COL21A1: variants seen among roughly 807,000 people sequenced by gnomAD.
The protein encoded by COL21A1 is collagen alpha-1(XXI) chain.
In COL21A1, 149 loss-of-function variants were observed where a neutral mutation model predicts 137.9. The ratio of observed to expected loss-of-function variants is 1.08; its 90% confidence interval spans 0.95 to 1.24. The LOEUF (loss-of-function observed/expected upper bound fraction) is 1.24. Ranked by LOEUF, COL21A1 falls within the 50% of genes most tolerant of loss-of-function variation. COL21A1 has a pLI of 0.00. For synonymous variants in COL21A1, 456 were observed against 391.5 expected (o/e 1.16, Z -1.95); for missense variants, 1,167 against 1,158.4 (o/e 1.01, Z -0.11).
chr6:56,114,602 GCAAATCAAAACCACA>G (rs1771744788), intron 16 of COL21A1, among the ~76,000 whole-genome samples: 1 of 151,822 alleles, frequency 6.6e-6, no homozygotes, highest in Non-Finnish European at 1.5e-5. Flanking sequence ...TCAGAGAAAT[GCAAATCAAAACCACA>G]ATGAGATACC....
chr6:56,171,451 C>T (rs1300318983), intron 3 of COL21A1, among the ~76,000 whole-genome samples: 1 of 151,750 alleles, frequency 6.6e-6, no homozygotes, highest in Non-Finnish European at 1.5e-5. Context: ...GACAATATAA[C>T]ACCTATGGAA....
intron 12 of COL21A1, among the ~76,000 whole-genome samples, chr6:56,138,294 T>C (rs571309613): frequency 1.3e-5 from 2 of 149,724 alleles, no homozygotes; most frequent in Middle Eastern, 3.6e-3. Context: ...TATCAATAAT[T>C]ATTACTATAA....
intron 1 of COL21A1, among the ~76,000 whole-genome samples, chr6:56,361,934 G>A (rs971638423): frequency 6.6e-6 from 1 of 152,178 alleles, no homozygotes; most frequent in Non-Finnish European, 1.5e-5. Flanking sequence ...TCAAACAGAC[G>A]TAACCTTTTC....
chr6:56,276,649 C>T (rs1763663529), intron 1 of COL21A1: 2 of 1,444,176 alleles, frequency 1.4e-6, no homozygotes, highest in East Asian at 4.6e-5. Flanking sequence ...CTGGAAAACA[C>T]GTGTCACTTT....
chr6:56,177,746 T>C (rs1028597410), intron 3 of COL21A1, among the ~76,000 whole-genome samples: 8 of 134,352 alleles, frequency 6.0e-5, no homozygotes, highest in African/African-American at 2.3e-4. Context: ...GAGCCGAGAT[T>C]GCACCACTGC....
chr6:56,204,812 C>A (rs763454858), intron 1 of COL21A1, among the ~76,000 whole-genome samples: 1 of 152,156 alleles, frequency 6.6e-6, no homozygotes, highest in Non-Finnish European at 1.5e-5. Flanking sequence ...TGTTCTGTAG[C>A]GTCCACTGGT....
intron 1 of COL21A1, among the ~76,000 whole-genome samples, chr6:56,305,991 T>G (rs1183836555): frequency 7.4e-6 from 1 of 134,576 alleles, no homozygotes; most frequent in Non-Finnish European, 1.6e-5. Context: ...CCTTCACTTA[T>G]GAAGCTTAGT....
At chr6:56,194,908 G>A (rs762756369) in intron 1 of COL21A1, among the ~76,000 whole-genome samples, 1 of 152,126 alleles carries the variant, frequency 6.6e-6, no homozygotes, top group African/African-American at 2.4e-5. Flanking sequence ...AGGTGATTGG[G>A]TCATGAGGGC....
intron 3 of COL21A1, among the ~76,000 whole-genome samples, chr6:56,176,821 A>AG (rs1454243838): frequency 6.8e-6 from 1 of 147,376 alleles, no homozygotes; most frequent in Admixed American, 6.8e-5. Context: ...GTTTTATATG[A>AG]GGGGGAAAGA....
At chr6:56,264,078 A>G (rs988696709) in intron 1 of COL21A1, among the ~76,000 whole-genome samples, 2 of 152,186 alleles carry the variant, frequency 1.3e-5, no homozygotes, top group African/African-American at 4.8e-5. Context: ...CTTATGATAC[A>G]TAGCACATAA....
At chr6:56,076,025 G>T (rs560884416) in intron 18 of COL21A1, among the ~76,000 whole-genome samples, 8 of 151,398 alleles carry the variant, frequency 5.3e-5, no homozygotes, top group Non-Finnish European at 1.0e-4. Context: ...AGTAGGAGAG[G>T]TATTCAAAGA....
At chr6:56,200,133 G>A (rs529635383) in intron 1 of COL21A1, among the ~76,000 whole-genome samples, 15 of 152,242 alleles carry the variant, frequency 9.9e-5, no homozygotes, top group Admixed American at 9.8e-4. Context: ...AGTTTGGTTT[G>A]TCCCAGGAAC....
chr6:56,131,847 A>G (rs772659322), intron 12 of COL21A1, among the ~76,000 whole-genome samples: 1 of 152,144 alleles, frequency 6.6e-6, no homozygotes, highest in Non-Finnish European at 1.5e-5. Context: ...CCTGAACTAA[A>G]AGAGACTCTG....
intron 1 of COL21A1, among the ~76,000 whole-genome samples, chr6:56,283,167 A>G (rs13194940): frequency 0.25 from 37,678 of 152,014 alleles, 5,134 homozygotes; most frequent in Non-Finnish European, 0.31. Context: ...TTAACTATCT[A>G]TCTTAAGGGA....
intron 16 of COL21A1, among the ~76,000 whole-genome samples, chr6:56,118,303 A>G (rs62412801): frequency 0.15 from 22,786 of 151,878 alleles, 1,735 homozygotes; most frequent in Middle Eastern, 0.22. Flanking sequence ...ACTATGAGCA[A>G]CTATATGCCA....
intron 9 of COL21A1, among the ~76,000 whole-genome samples, chr6:56,159,031 T>C (rs573753658): frequency 6.6e-6 from 1 of 152,172 alleles, no homozygotes; most frequent in Non-Finnish European, 1.5e-5. Flanking sequence ...AAGGTGCACA[T>C]TAATCTCCAG....
chr6:56,079,305 C>T (rs1299153879), intron 17 of COL21A1, among the ~76,000 whole-genome samples: 1 of 151,710 alleles, frequency 6.6e-6, no homozygotes, highest in Non-Finnish European at 1.5e-5. Context: ...CTAACGGGCA[C>T]ATGTGATTAC....
At chr6:56,095,229 T>C (rs946064103) in intron 17 of COL21A1, among the ~76,000 whole-genome samples, 2 of 152,208 alleles carry the variant, frequency 1.3e-5, no homozygotes, top group African/African-American at 2.4e-5. Context: ...TTAGGATCAC[T>C]TGCACTAGCC....
rs574395810 is a variant in COL21A1, at chr6:56,153,011, G to T, written c.1434+3876C>A. On this transcript the variant is annotated intron_variant, in intron 10 of 29. Transcript: ENST00000244728. ...GAAACTCACATAGGACCTCAGGGAA[G>T]TATCTTCAGTGAGATTAAAGAATTG... 4.3e-4 allele frequency among the ~76,000 whole-genome samples: 65 copies of T among 152,238 alleles called. No individual in the cohort carries two copies. In the East Asian group the frequency reaches 9.3e-3, roughly 22 times the overall value.
Sources: gnomAD v4.1 joint callset for allele counts (sites outside exome capture counted in the v4.1 genomes callset) on GRCh38, gnomAD v4.1.1 for gene constraint, MANE v1.5 for transcripts, NCBI Gene and HGNC (gene_info 2026-07-23, HGNC 2026-07-21) for gene names.